Variants in SLMAP observed in about 807,000 individuals in gnomAD.
SLMAP encodes the protein sarcolemma associated protein, also known as sarcolemmal membrane-associated protein.
A neutral mutation model predicts 128.8 loss-of-function variants in SLMAP; 44 were observed. The ratio of observed to expected loss-of-function variants is 0.34; its 90% confidence interval spans 0.27 to 0.44. The LOEUF (loss-of-function observed/expected upper bound fraction) is 0.44. Ranked by LOEUF, SLMAP falls within the 20% of genes least tolerant of loss-of-function variation. SLMAP has a pLI of 1.00. For synonymous variants in SLMAP, 327 were observed against 348.8 expected, an observed-to-expected ratio of 0.94 and a Z score of 0.70; for missense variants, 787 against 985.3, an observed-to-expected ratio of 0.80 and a Z score of 2.69.
chr3:57,805,096 C>T (rs1322180565), intron 2 of SLMAP, among the ~76,000 whole-genome samples: 2 of 152,150 alleles, frequency 1.3e-5, no homozygotes, highest in Non-Finnish European at 2.9e-5. Context: ...TAGCCCTTGA[C>T]TGTTTCCCTG....
chr3:57,884,576 G>A (rs1041691205), intron 14 of SLMAP, among the ~76,000 whole-genome samples: 1 of 152,186 alleles, frequency 6.6e-6, no homozygotes, highest in African/African-American at 2.4e-5. Context: ...GGGAGGCCAA[G>A]GTGGGCAGAT....
intron 15 of SLMAP, chr3:57,896,096 A>T: frequency 3.7e-6 from 1 of 270,158 alleles, no homozygotes; most frequent in Non-Finnish European, 5.7e-6. Flanking sequence ...TACAAATCTT[A>T]CTAAAGCAGC....
In SLMAP at chr3:57,756,341, A is replaced by G. The variant is rs1180474248; in HGVS notation, c.-1106A>G. 6.5e-6 allele frequency: 1 copy of G among 153,334 alleles called. No individual in the cohort carries two copies. The highest frequency in any genetic ancestry group is 1.5e-5 in the Non-Finnish European group (1 of 68,954). 9.5% of individuals were successfully genotyped at this position (153,334 alleles called of 1,614,324 possible). On this transcript the variant is annotated splice_region_variant and 5_prime_UTR_variant, in exon 1 of 25. Coordinates refer to ENST00000671191, the MANE Select transcript of SLMAP (RefSeq NM_001377540.1). ...GTCACTATGGCGGCCGGCGCTGGCA[A>G]GGTAAGCTGAGGCGGTGGTGGCGGC...
At chr3:57,879,236 A>G (rs1457110534) in intron 14 of SLMAP, among the ~76,000 whole-genome samples, 1 of 152,236 alleles carries the variant, frequency 6.6e-6, no homozygotes, top group Admixed American at 6.5e-5. Flanking sequence ...TATGGTTAGT[A>G]CATAATTTAT....
chr3:57,886,563 T>C (rs1431852866), intron 14 of SLMAP, among the ~76,000 whole-genome samples: 1 of 147,188 alleles, frequency 6.8e-6, no homozygotes, highest in Non-Finnish European at 1.5e-5. Flanking sequence ...CCAGAAAATA[T>C]AAGAAAAAGG....
intron 14 of SLMAP, among the ~76,000 whole-genome samples, chr3:57,889,816 A>C (rs781692989): frequency 5.9e-5 from 9 of 152,232 alleles, no homozygotes; most frequent in Non-Finnish European, 1.0e-4. Context: ...GGTGAAAATA[A>C]AAGGCAAATT....
chr3:57,787,020 G>A (rs996441435), intron 2 of SLMAP, among the ~76,000 whole-genome samples: 1 of 152,114 alleles, frequency 6.6e-6, no homozygotes, highest in Non-Finnish European at 1.5e-5. Flanking sequence ...ACAGGCGTGA[G>A]CCACCGCACC....
At position 57,912,404 on chromosome 3, in the gene SLMAP, G is replaced by T. The variant is rs755931186; in HGVS notation, c.1723G>T (p.Asp575Tyr). 1.9e-6 allele frequency: 3 copies of T among 1,612,808 alleles called. No individual in the cohort carries two copies. The highest frequency in any genetic ancestry group is 2.5e-6 in the Non-Finnish European group (3 of 1,178,892). ...AGCCCAATTGCAGAGGTTACACATC[G>T]ATACTGAGAATCTCCGGGAGGAGAA... ...LQAQLQRLHI[D>Y]TENLREEKDS... The change falls in exon 20 of 25, where the codon GAT becomes TAT. Residue 575 changes from aspartate to tyrosine, a missense_variant. Physicochemically the swap from Asp to Tyr is radical, Grantham distance 160 (BLOSUM62 -3). Coordinates refer to ENST00000671191, the MANE Select transcript of SLMAP (RefSeq NM_001377540.1).
At chr3:57,922,789 C>T (rs1217088527) in intron 22 of SLMAP, 100 bp from the exon 23 acceptor site, 1 of 1,090,334 alleles carries the variant, frequency 9.2e-7, no homozygotes, top group African/African-American at 1.6e-5. Context: ...TTTGGTGTTC[C>T]AGGTGACTAA....
At chr3:57,816,135 T>G (rs2091827381) in intron 2 of SLMAP, among the ~76,000 whole-genome samples, 1 of 150,848 alleles carries the variant, frequency 6.6e-6, no homozygotes, top group Non-Finnish European at 1.5e-5. Context: ...TTGTGTTTGT[T>G]TGTTTGTTTG....
intron 3 of SLMAP, among the ~76,000 whole-genome samples, chr3:57,837,871 G>T (rs2093713058): frequency 6.6e-6 from 1 of 152,328 alleles, no homozygotes; most frequent in Middle Eastern, 3.4e-3. Context: ...GTGTGTATCT[G>T]GTTGTCATGA....
chr3:57,868,821 T>TATAA (rs1469038347), intron 13 of SLMAP, among the ~76,000 whole-genome samples: 12 of 128,408 alleles, frequency 9.3e-5, no homozygotes, highest in African/African-American at 3.2e-4. Flanking sequence ...TATATATATA[T>TATAA]AAAATATATA....
chr3:57,903,457 A>G (rs549611704), intron 17 of SLMAP, among the ~76,000 whole-genome samples: 1 of 152,340 alleles, frequency 6.6e-6, no homozygotes. Context: ...CACATGCAAA[A>G]TAGAACTTGG....
At chr3:57,882,658 T>C (rs976938257) in intron 14 of SLMAP, among the ~76,000 whole-genome samples, 38 of 152,338 alleles carry the variant, frequency 2.5e-4, no homozygotes, top group Admixed American at 5.2e-4. Context: ...CATAAAACTT[T>C]ATTTGCTAAA....
At chr3:57,902,430 GAT>G (rs2096409239) in intron 17 of SLMAP, among the ~76,000 whole-genome samples, 2 of 152,192 alleles carry the variant, frequency 1.3e-5, no homozygotes, top group Admixed American at 1.3e-4. Flanking sequence ...TGTTTTGTAA[GAT>G]AGAGTGATCA....
rs150439110 is a variant in SLMAP, at chr3:57,913,179, A to G, written c.2042A>G (p.Lys681Arg). The change falls in exon 21 of 25, where the codon AAG becomes AGG. Residue 681 changes from lysine (K) to arginine (R), a missense_variant. By Grantham distance (26) the Lys-to-Arg change is conservative (BLOSUM62 2). Coordinates refer to ENST00000671191, the MANE Select transcript of SLMAP (RefSeq NM_001377540.1). ...TTAGGTGAACTAGAGAAGTTGAGAAAGGAATGGAATGCATTGGAAACCGAA... is the reference window on the plus strand; with the variant it reads ...TTAGGTGAACTAGAGAAGTTGAGAAGGGAATGGAATGCATTGGAAACCGAA... ...RLQGELEKLR[K>R]EWNALETECH... The G allele has an allele frequency of 3.8e-4, 605 of 1,576,078 alleles. No homozygotes were observed. Among genetic ancestry groups the G allele is most frequent in the Non-Finnish European group, 4.9e-4 (562 of 1,149,352 alleles).
chr3:57,871,952 A>G (rs1428500691), intron 14 of SLMAP, among the ~76,000 whole-genome samples: 1 of 152,218 alleles, frequency 6.6e-6, no homozygotes, highest in African/African-American at 2.4e-5. Flanking sequence ...AAGCTTGTTA[A>G]ATTTGAGGTT....
intron 2 of SLMAP, among the ~76,000 whole-genome samples, chr3:57,825,707 A>C (rs2092876044): frequency 6.6e-6 from 1 of 152,102 alleles, no homozygotes; most frequent in Non-Finnish European, 1.5e-5. Flanking sequence ...AGACAGGTGA[A>C]AATTAGACAA....
At chr3:57,797,059 A>G (rs1015404846) in intron 2 of SLMAP, among the ~76,000 whole-genome samples, 3 of 151,552 alleles carry the variant, frequency 2.0e-5, no homozygotes, top group African/African-American at 4.9e-5. Flanking sequence ...GCATGTGCCT[A>G]TAGTCCCAGC....
Sources: allele counts gnomAD v4.1 joint callset (sites outside exome capture counted in the v4.1 genomes callset), GRCh38; gene constraint gnomAD v4.1.1; transcripts MANE v1.5; gene names NCBI Gene and HGNC (gene_info 2026-07-23, HGNC 2026-07-21).